The following SAXO1 variants were observed in gnomAD, a reference collection of about 807,000 sequenced individuals.
SAXO1 encodes the protein 4930500O09Rik.
Under a neutral mutation model 17.5 loss-of-function variants are expected in SAXO1, and 21 were observed. The observed-to-expected ratio is 1.20, with a 90% CI of 0.85 to 1.72. SAXO1 has a LOEUF of 1.72. Ranked by LOEUF, SAXO1 falls within the 40% of genes most tolerant of loss-of-function variation. The pLI is 0.00. For missense variants in SAXO1, 843 were observed against 596.0 expected (o/e 1.41, Z -4.32); for synonymous variants, 274 against 216.5 (o/e 1.27, Z -2.33).
intron 1 of SAXO1, among the ~76,000 whole-genome samples, chr9:18,951,800 G>A (rs1157150831): frequency 6.6e-6 from 1 of 152,134 alleles, no homozygotes; most frequent in Non-Finnish European, 1.5e-5. Flanking sequence ...CGTGTACACT[G>A]TACATTTTTC....
At chr9:18,966,982 T>A (rs1832744459) in intron 1 of SAXO1, among the ~76,000 whole-genome samples, 2 of 152,218 alleles carry the variant, frequency 1.3e-5, no homozygotes, top group Admixed American at 1.3e-4. Flanking sequence ...TTGTTAGTTT[T>A]CCTTCTAATA....
intron 1 of SAXO1, among the ~76,000 whole-genome samples, chr9:19,015,300 G>C (rs932240919): frequency 6.6e-6 from 1 of 152,024 alleles, no homozygotes; most frequent in Admixed American, 6.6e-5. Flanking sequence ...CAAGTAATTG[G>C]GACTACAAGT....
intron 1 of SAXO1, among the ~76,000 whole-genome samples, chr9:19,004,739 G>T (rs1270269228): frequency 6.6e-6 from 1 of 152,178 alleles, no homozygotes; most frequent in Non-Finnish European, 1.5e-5. Context: ...CAAGGGGAGG[G>T]ATAGCGCTGG....
chr9:18,938,142 T>C (rs1831374834), intron 3 of SAXO1, among the ~76,000 whole-genome samples: 1 of 152,132 alleles, frequency 6.6e-6, no homozygotes, highest in African/African-American at 2.4e-5. Flanking sequence ...TAACTCTGTT[T>C]AAGTAGGCAA....
chr9:18,975,891 C>A (rs1200315892), intron 1 of SAXO1, among the ~76,000 whole-genome samples: 1 of 94,388 alleles, frequency 1.1e-5, no homozygotes, highest in Non-Finnish European at 3.1e-5. Flanking sequence ...AGCAGACAGA[C>A]CAAGAGAGAT....
chr9:19,018,491 T>A (rs970951352), intron 1 of SAXO1, among the ~76,000 whole-genome samples: 1 of 152,198 alleles, frequency 6.6e-6, no homozygotes, highest in Non-Finnish European at 1.5e-5. Context: ...CATTCCAGCT[T>A]TGCAATGGAA....
At chr9:19,011,941 G>A (rs1441332965) in intron 1 of SAXO1, among the ~76,000 whole-genome samples, 2 of 149,958 alleles carry the variant, frequency 1.3e-5, no homozygotes, top group South Asian at 2.1e-4. Context: ...TGCCTCCCAG[G>A]TTCAAGCAAT....
chr9:18,991,738 G>A (rs77346072), intron 1 of SAXO1, among the ~76,000 whole-genome samples: 2 of 152,052 alleles, frequency 1.3e-5, no homozygotes, highest in Non-Finnish European at 2.9e-5. Flanking sequence ...AAATAAAAAA[G>A]TGCACAATAA....
chr9:19,014,029 G>C (rs770214830), intron 1 of SAXO1, among the ~76,000 whole-genome samples: 2 of 152,102 alleles, frequency 1.3e-5, no homozygotes. Context: ...AGTATACAGA[G>C]AGTTAAACGT....
intron 2 of SAXO1, among the ~76,000 whole-genome samples, chr9:18,942,371 A>G (rs10757005): frequency 0.79 from 120,180 of 151,958 alleles, 47,807 homozygotes; most frequent in African/African-American, 0.88. Context: ...CCCCACCTGA[A>G]AACCCTGCAC....
At chr9:19,021,968 C>T (rs1008353314) in intron 1 of SAXO1, among the ~76,000 whole-genome samples, 11 of 152,226 alleles carry the variant, frequency 7.2e-5, no homozygotes, top group Non-Finnish European at 1.2e-4. Flanking sequence ...GCAACCTGCT[C>T]AGCAGTGGCA....
At chr9:18,992,914 C>T (rs145896064) in intron 1 of SAXO1, among the ~76,000 whole-genome samples, 5 of 152,198 alleles carry the variant, frequency 3.3e-5, no homozygotes, top group African/African-American at 1.2e-4. Flanking sequence ...GATTCTCCTG[C>T]CTCAGCCTCC....
intron 1 of SAXO1, among the ~76,000 whole-genome samples, chr9:19,026,214 C>T (rs143544543): frequency 6.6e-6 from 1 of 152,136 alleles, no homozygotes; most frequent in East Asian, 1.9e-4. Flanking sequence ...GTCACTTGTA[C>T]CCCAGAAATA....
intron 1 of SAXO1, among the ~76,000 whole-genome samples, chr9:19,007,881 G>A (rs976518649): frequency 6.6e-6 from 1 of 151,916 alleles, no homozygotes; most frequent in Non-Finnish European, 1.5e-5. Flanking sequence ...TTTATGTATT[G>A]TCTATGGCTA....
chr9:19,021,916 G>A (rs1053437387), intron 1 of SAXO1, among the ~76,000 whole-genome samples: 1 of 148,140 alleles, frequency 6.8e-6, no homozygotes, highest in African/African-American at 2.5e-5. Flanking sequence ...TGTGGGCAGG[G>A]CCCAGTAAGG....
chr9:18,992,352 T>A (rs1833846288), intron 1 of SAXO1, among the ~76,000 whole-genome samples: 2 of 152,226 alleles, frequency 1.3e-5, no homozygotes, highest in African/African-American at 4.8e-5. Flanking sequence ...GCTGGGATTC[T>A]CCCTGTGTCT....
intron 3 of SAXO1, among the ~76,000 whole-genome samples, chr9:18,941,100 A>G (rs939209891): frequency 3.3e-5 from 5 of 152,188 alleles, no homozygotes; most frequent in South Asian, 4.1e-4. Context: ...ACATTTTGAT[A>G]TATTTTTTAA....
intron 1 of SAXO1, among the ~76,000 whole-genome samples, chr9:18,999,252 T>A (rs1382278967): frequency 6.6e-6 from 1 of 152,236 alleles, no homozygotes; most frequent in Non-Finnish European, 1.5e-5. Flanking sequence ...AATAAAGGGA[T>A]GGAGCCGTCT....
At chr9:18,936,151 G>C (rs1831279944) in intron 3 of SAXO1, among the ~76,000 whole-genome samples, 1 of 152,128 alleles carries the variant, frequency 6.6e-6, no homozygotes, top group Admixed American at 6.5e-5. Flanking sequence ...ATCTCCAGAA[G>C]TCCTGATACC....
Sources: gnomAD v4.1 joint callset for allele counts (sites outside exome capture counted in the v4.1 genomes callset) on GRCh38, gnomAD v4.1.1 for gene constraint, MANE v1.5 for transcripts, NCBI Gene and HGNC (gene_info 2026-07-23, HGNC 2026-07-21) for gene names.